The following EFHB variants were observed in gnomAD, a reference collection of about 807,000 sequenced individuals.
EFHB encodes the protein EF-hand domain family member B, also known as EF-hand domain-containing family member B.
Under a neutral mutation model 87.2 loss-of-function variants are expected in EFHB, and 91 were observed. The ratio of observed to expected loss-of-function variants is 1.04; its 90% CI spans 0.88 to 1.24. EFHB has a LOEUF of 1.24. EFHB is among the 50% of genes most tolerant of loss of function. EFHB has a pLI of 0.00. For synonymous variants in EFHB, 325 were observed against 333.6 expected (o/e 0.97, Z 0.28); for missense variants, 1,084 against 998.8 (o/e 1.09, Z -1.15).
intron 1 of EFHB, chr3:19,940,541 T>C: frequency 2.0e-6 from 1 of 504,964 alleles, no homozygotes; most frequent in Non-Finnish European, 4.0e-6. Flanking sequence ...GTTGCTTCCA[T>C]GTTGAATTCA....
At chr3:19,894,476 T>C (rs1694406107) in intron 9 of EFHB, 1 of 152,226 alleles carries the variant, frequency 6.6e-6, no homozygotes, top group African/African-American at 2.4e-5. Context: ...ATTAATTTCA[T>C]AAGCCAAGAA....
intron 12 of EFHB, among the ~76,000 whole-genome samples, chr3:19,881,550 A>G (rs562083397): frequency 2.6e-5 from 4 of 152,252 alleles, no homozygotes; most frequent in Admixed American, 6.5e-5. Flanking sequence ...GTGATTGAGG[A>G]AAGTGAAAAC....
intron 1 of EFHB, among the ~76,000 whole-genome samples, chr3:19,939,406 G>A (rs549868816): frequency 4.8e-5 from 3 of 62,992 alleles, no homozygotes; most frequent in African/African-American, 1.2e-4. Flanking sequence ...TTTTTGGGAT[G>A]GAGTCTCACT....
intron 10 of EFHB, among the ~76,000 whole-genome samples, chr3:19,886,439 ATTAAGATACAAAAATTAAGGTAGGCTG>A (rs1484428745): frequency 6.6e-6 from 1 of 152,172 alleles, no homozygotes; most frequent in Non-Finnish European, 1.5e-5. Flanking sequence ...ACCTCTAATA[ATTAAGATACAAAAATTAAGGTAGGCTG>A]GATGCAGTGG....
At chr3:19,892,889 T>TAAAATAAAATAATAAG (rs79080019) in intron 9 of EFHB, among the ~76,000 whole-genome samples, 28,916 of 147,232 alleles carry the variant, frequency 0.2, 3,255 homozygotes, top group Non-Finnish European at 0.26. Flanking sequence ...AATAAAATAA[T>TAAAATAAAATAATAAG]ATAAAATCAG....
At chr3:19,937,433 G>T (rs1316246964), upstream of EFHB, among the ~76,000 whole-genome samples, 3 of 151,994 alleles carry the variant, frequency 2.0e-5, no homozygotes, top group Non-Finnish European at 4.4e-5. Flanking sequence ...TGACCATGAA[G>T]AAGTATTCTG....
chr3:19,893,295 G>A (rs1390867650), intron 9 of EFHB, among the ~76,000 whole-genome samples: 1 of 152,166 alleles, frequency 6.6e-6, no homozygotes, highest in Admixed American at 6.5e-5. Context: ...ATATAAGAGG[G>A]ACCAGGGATT....
chr3:19,907,742 G>A (rs1417743219), intron 5 of EFHB, among the ~76,000 whole-genome samples: 1 of 152,158 alleles, frequency 6.6e-6, no homozygotes, highest in African/African-American at 2.4e-5. Flanking sequence ...AAGTAGGACT[G>A]AAACTAGAGA....
intron 5 of EFHB, among the ~76,000 whole-genome samples, chr3:19,908,584 G>A (rs369861478): frequency 0.035 from 3,405 of 96,182 alleles, 63 homozygotes; most frequent in Non-Finnish European, 0.058. Flanking sequence ...GAGAGAGAGA[G>A]AGAGAGAGAG....
intron 5 of EFHB, among the ~76,000 whole-genome samples, chr3:19,914,430 T>C (rs1049775043): frequency 2.6e-5 from 4 of 152,184 alleles, no homozygotes; most frequent in Non-Finnish European, 5.9e-5. Context: ...ATACTGGCAA[T>C]TGAGTTTTAT....
chr3:19,904,815 C>T (rs968930532), intron 6 of EFHB, among the ~76,000 whole-genome samples: 10 of 152,184 alleles, frequency 6.6e-5, no homozygotes, highest in East Asian at 1.9e-4. Context: ...TTGTGGAGGG[C>T]GGGGCGGCAC....
At chr3:19,888,727 A>G in intron 9 of EFHB, 76 bp from the exon 10 acceptor site, 3 of 1,204,542 alleles carry the variant, frequency 2.5e-6, no homozygotes, top group Non-Finnish European at 3.5e-6. Flanking sequence ...ATTTAGTTTA[A>G]GAAAAAAGAA....
In EFHB at chr3:19,896,741, T is replaced by C; in HGVS notation, c.1671A>G (p.Lys557=). The C allele has an allele frequency of 6.2e-7, 1 of 1,614,044 alleles. No individual in the cohort carries two copies. Among genetic ancestry groups the C allele is most frequent in the Non-Finnish European group, 8.5e-7 (1 of 1,179,896 alleles). ...AAGTGTCAAACTTTTGGTAATTAAC[T>C]TTCTTCAGGTGATGCCGAACTGCTG... ...LIAAVRHHLK[K]VNYQKFDTLL... The change falls in exon 9 of 13, where the codon AAA becomes AAG. Residue 557 remains lysine (K), a synonymous_variant. Transcript: ENST00000295824.
chr3:19,930,814 T>C (rs1357221327), intron 1 of EFHB, among the ~76,000 whole-genome samples: 2 of 152,122 alleles, frequency 1.3e-5, no homozygotes, highest in African/African-American at 4.8e-5. Flanking sequence ...TTGCCCAGGC[T>C]GATGACAAAC....
chr3:19,887,959 T>A (rs1232452865), intron 10 of EFHB, among the ~76,000 whole-genome samples: 8 of 152,328 alleles, frequency 5.3e-5, no homozygotes, highest in East Asian at 1.9e-4. Context: ...GCTTTTAATT[T>A]TTTTGAATAA....
chr3:19,946,180 C>A (rs1696275573), intron 1 of EFHB: 1 of 152,216 alleles, frequency 6.6e-6, no homozygotes, highest in African/African-American at 2.4e-5. Context: ...CGCCGCAGAT[C>A]AGAATCCAGC....
At chr3:19,927,914 T>C (rs1243125936) in intron 1 of EFHB, among the ~76,000 whole-genome samples, 2 of 149,800 alleles carry the variant, frequency 1.3e-5, no homozygotes, top group Admixed American at 1.3e-4. Context: ...ATAAATACTG[T>C]AGTATATATA....
At chr3:19,885,552 T>G (rs1694069846) in intron 10 of EFHB, among the ~76,000 whole-genome samples, 1 of 152,246 alleles carries the variant, frequency 6.6e-6, no homozygotes, top group South Asian at 2.1e-4. Flanking sequence ...CTTTTTCAGA[T>G]CTGGTTACTA....
chr3:19,907,535 C>T (rs1305998488), intron 5 of EFHB, among the ~76,000 whole-genome samples: 1 of 152,122 alleles, frequency 6.6e-6, no homozygotes, highest in South Asian at 2.1e-4. Context: ...TGGTGTTTTG[C>T]ACTTGTTCTC....
Sources: gnomAD v4.1 joint callset for allele counts (sites outside exome capture counted in the v4.1 genomes callset) on GRCh38, gnomAD v4.1.1 for gene constraint, MANE v1.5 for transcripts, NCBI Gene and HGNC (gene_info 2026-07-23, HGNC 2026-07-21) for gene names.